IQSEC1: variants seen among roughly 807,000 people sequenced by gnomAD.
IQSEC1 encodes the protein IQ motif and Sec7 domain ArfGEF 1.
A neutral mutation model predicts 91.0 loss-of-function variants in IQSEC1; 31 were observed. The observed-to-expected ratio is 0.34, with a 90% CI of 0.26 to 0.46. The LOEUF (loss-of-function observed/expected upper bound fraction) is 0.46. Ranked by LOEUF, IQSEC1 falls within the 20% of genes least tolerant of loss-of-function variation. The pLI, the probability that IQSEC1 is intolerant of heterozygous loss-of-function variation, is 1.00. For missense variants in IQSEC1, 1,388 were observed against 1,575.6 expected, an observed-to-expected ratio of 0.88 and a Z score of 2.02; for synonymous variants, 699 against 662.6, an observed-to-expected ratio of 1.05 and a Z score of -0.84.
intron 1 of IQSEC1, among the ~76,000 whole-genome samples, chr3:13,191,405 C>T (rs1015988258): frequency 6.6e-6 from 1 of 151,676 alleles, no homozygotes; most frequent in Non-Finnish European, 1.5e-5. Context: ...GTGTTTCGGG[C>T]ACTGCCTCCA....
At chr3:13,218,793 C>G (rs1211264203) in intron 1 of IQSEC1, among the ~76,000 whole-genome samples, 1 of 152,146 alleles carries the variant, frequency 6.6e-6, no homozygotes, top group Admixed American at 6.5e-5. Context: ...GTGGCCTGAA[C>G]AGATCCAGCT....
intron 1 of IQSEC1, among the ~76,000 whole-genome samples, chr3:13,035,453 C>T (rs1703997986): frequency 6.6e-6 from 1 of 152,152 alleles, no homozygotes; most frequent in African/African-American, 2.4e-5. Flanking sequence ...TCTCCTGCTC[C>T]CCCAGCTGAA....
At chr3:13,154,477 G>C (rs979201188) in intron 2 of IQSEC1, among the ~76,000 whole-genome samples, 1 of 11,410 alleles carries the variant, frequency 8.8e-5, no homozygotes. Flanking sequence ...ATATATATAT[G>C]CAAAAACTGA....
rs983356831 is a variant in IQSEC1, at chr3:12,913,532, G to A, written c.2212C>T (p.Arg738Trp). 1.2e-6 allele frequency: 2 copies of A among 1,605,846 alleles called. No individual in the cohort carries two copies. The highest frequency in any genetic ancestry group is 1.7e-6 in the Non-Finnish European group (2 of 1,174,700). Reference protein sequence around the residue: ...LGCVLSLPHRRLVCYCRLFEV... With the variant: ...LGCVLSLPHRWLVCYCRLFEV... ...AAGAGCCGGCAGTAGCAGACCAACC[G>A]ACGGTGGGGCAGAGAGAGCACCTGT... The change falls in exon 9 of 14, where the codon CGG (arginine) becomes TGG (tryptophan). Residue 738 changes from arginine to tryptophan, a missense_variant. Coordinates refer to ENST00000613206, the MANE Select transcript of IQSEC1 (RefSeq NM_001134382.3).
At chr3:13,097,255 G>C (rs1345684699) in intron 2 of IQSEC1, among the ~76,000 whole-genome samples, 2 of 152,368 alleles carry the variant, frequency 1.3e-5, no homozygotes, top group South Asian at 4.1e-4. Flanking sequence ...AAGGCTCAGA[G>C]AGGGAAGGTA....
intron 9 of IQSEC1, 74 bp downstream of exon 9, chr3:12,913,354 G>A (rs773454180): frequency 3.1e-5 from 45 of 1,466,772 alleles, no homozygotes; most frequent in Middle Eastern, 1.8e-4. Context: ...TCTTCCCCAC[G>A]CAGACAGCCA....
At chr3:13,038,863 C>T (rs768768068) in intron 1 of IQSEC1, among the ~76,000 whole-genome samples, 4 of 152,114 alleles carry the variant, frequency 2.6e-5, no homozygotes, top group African/African-American at 7.2e-5. Context: ...AAACATCTCA[C>T]GTACCCCATA....
intron 1 of IQSEC1, among the ~76,000 whole-genome samples, chr3:13,175,889 T>G (rs769302991): frequency 6.6e-6 from 1 of 152,230 alleles, no homozygotes; most frequent in South Asian, 2.1e-4. Context: ...GCTCTGCCCC[T>G]GTGACCTAAG....
chr3:13,239,997 C>T (rs780640628), intron 1 of IQSEC1, among the ~76,000 whole-genome samples: 4 of 151,984 alleles, frequency 2.6e-5, no homozygotes, highest in African/African-American at 4.8e-5. Context: ...CCACTTTGCG[C>T]GCACTGGAAA....
chr3:12,974,597 C>T (rs1701068270), intron 1 of IQSEC1, among the ~76,000 whole-genome samples: 1 of 152,236 alleles, frequency 6.6e-6, no homozygotes, highest in Admixed American at 6.5e-5. Flanking sequence ...TGCCAGCCTT[C>T]CTGCAGGATT....
intron 2 of IQSEC1, among the ~76,000 whole-genome samples, chr3:13,084,846 A>G (rs1423927561): frequency 6.6e-6 from 1 of 152,136 alleles, no homozygotes; most frequent in Admixed American, 6.5e-5. Context: ...CTGGGTCTCA[A>G]GCTCAGCTCT....
rs555535612 is a variant in IQSEC1 at position 13,199,929 on chromosome 3, C to T, written c.273-35796G>A. Among the ~76,000 whole-genome samples, 23 of 148,176 alleles carry T rather than the reference C, an allele frequency of 1.6e-4. 1 individual carries two copies. Among genetic ancestry groups the T allele is most frequent in the East Asian group, 1.0e-3 (5 of 5,002 alleles). ...AAACAGATACACCACACACCACGCA[C>T]GTCACACACACACACACACCATACA... On this transcript the variant is annotated intron_variant, in intron 1 of 15. Transcript: ENST00000648114.
chr3:12,994,186 A>C lies in IQSEC1; in HGVS notation c.24-52321T>G, dbSNP rs1702125209. On this transcript the variant is annotated intron_variant, in intron 1 of 13. Coordinates refer to ENST00000613206, the MANE Select transcript of IQSEC1 (RefSeq NM_001134382.3). The surrounding 1 kb of genome is among the most constrained non-coding windows in gnomAD (Gnocchi z 4.5). ...GGGGGGGCGGGGGCGGGCGCTCGGGAGCCGGAGCCGGAGCCCGAGCCCGAT... is the reference window on the plus strand; with the variant it reads ...GGGGGGGCGGGGGCGGGCGCTCGGGCGCCGGAGCCGGAGCCCGAGCCCGAT... Among the ~76,000 whole-genome samples the C allele has an allele frequency of 1.4e-5, 2 of 145,552 alleles. No homozygotes were observed.
chr3:13,116,719 G>A (rs1706341664), intron 2 of IQSEC1, among the ~76,000 whole-genome samples: 1 of 152,090 alleles, frequency 6.6e-6, no homozygotes, highest in Non-Finnish European at 1.5e-5. Context: ...TGGCCAACAT[G>A]GTGAAACCGT....
chr3:13,171,750 A>G (rs1486791433), intron 1 of IQSEC1, among the ~76,000 whole-genome samples: 2 of 152,224 alleles, frequency 1.3e-5, no homozygotes, highest in Non-Finnish European at 2.9e-5. Flanking sequence ...ACCTTAAAAT[A>G]AAACCAAATC....
intron 1 of IQSEC1, among the ~76,000 whole-genome samples, chr3:13,224,979 T>C (rs997061251): frequency 5.3e-5 from 8 of 152,234 alleles, no homozygotes; most frequent in Non-Finnish European, 8.8e-5. Flanking sequence ...CAGGTACTCA[T>C]AGCTCCCCTG....
chr3:13,091,646 G>A (rs1009781743), intron 2 of IQSEC1, among the ~76,000 whole-genome samples: 7 of 152,186 alleles, frequency 4.6e-5, no homozygotes, highest in Non-Finnish European at 5.9e-5. Flanking sequence ...CAGGAAGCCC[G>A]ACTTGGCTGT....
intron 5 of IQSEC1, among the ~76,000 whole-genome samples, chr3:12,921,750 T>C (rs1301467236): frequency 3.9e-5 from 6 of 152,194 alleles, no homozygotes; most frequent in African/African-American, 1.2e-4. Context: ...AATGACTAGA[T>C]AGATGGACTT....
Position 12,967,348 on chromosome 3 carries a change from G to T in IQSEC1, c.24-25483C>A. Reference sequence around the variant, plus strand: ...ACAGCCTGCGCCAGCCCACCGCTCAGCACCCGGGAAGGCCGCTCGCCCCGC... The same window carrying T: ...ACAGCCTGCGCCAGCCCACCGCTCATCACCCGGGAAGGCCGCTCGCCCCGC... On this transcript the variant is annotated intron_variant, in intron 1 of 13. Coordinates refer to ENST00000613206, the MANE Select transcript of IQSEC1 (RefSeq NM_001134382.3). The surrounding 1 kb of genome is among the most constrained non-coding windows in gnomAD (Gnocchi z 5.9). 2 of 1,507,358 alleles carry T rather than the reference G, an allele frequency of 1.3e-6. No homozygotes were observed. The highest frequency in any genetic ancestry group is 8.9e-7 in the Non-Finnish European group (1 of 1,124,362). 93.4% of individuals were successfully genotyped at this position (1,507,358 alleles called of 1,614,324 possible). A position where few individuals can be genotyped will look rare whatever the true frequency, so the allele number is the denominator to read the frequency against.
Sources: gnomAD v4.1 joint callset for allele counts (sites outside exome capture counted in the v4.1 genomes callset) on GRCh38, gnomAD v4.1.1 for gene constraint, Gnocchi (gnomAD v3.1) non-coding constraint, MANE v1.5 for transcripts, NCBI Gene and HGNC (gene_info 2026-07-23, HGNC 2026-07-21) for gene names.